Variants in DCLK2 observed in about 807,000 individuals in gnomAD.
DCLK2 encodes doublecortin like kinase 2, also known as serine/threonine-protein kinase DCLK2.
In DCLK2, 31 loss-of-function variants were observed where a neutral mutation model predicts 78.4. That is an observed-to-expected ratio of 0.40 (90% CI 0.30 to 0.53). DCLK2 has a LOEUF of 0.53. DCLK2 is among the 20% of genes least tolerant of loss of function. The pLI, the probability that DCLK2 is intolerant of heterozygous loss-of-function variation, is 0.61. For synonymous variants in DCLK2, 407 were observed against 374.9 expected (o/e 1.09, Z -0.99); for missense variants, 872 against 973.7 (o/e 0.90, Z 1.39).
chr4:150,216,751 G>A (rs2126511364), intron 5 of DCLK2, among the ~76,000 whole-genome samples: 1 of 152,272 alleles, frequency 6.6e-6, no homozygotes, highest in South Asian at 2.1e-4. Flanking sequence ...AGGGGCACCA[G>A]ATCCCAGAGA....
intron 1 of DCLK2, among the ~76,000 whole-genome samples, chr4:150,096,961 T>G (rs1460926312): frequency 6.6e-6 from 1 of 151,920 alleles, no homozygotes; most frequent in Non-Finnish European, 1.5e-5. Context: ...TATAATCCTA[T>G]AAAGAGGGCT....
chr4:150,223,588 C>T (rs1741360503), intron 7 of DCLK2, among the ~76,000 whole-genome samples: 2 of 151,916 alleles, frequency 1.3e-5, no homozygotes, highest in South Asian at 4.2e-4. Context: ...ACTAAAAATA[C>T]AAAAATTAGC....
chr4:150,252,082 C>G (rs1424754003), intron 15 of DCLK2, among the ~76,000 whole-genome samples: 1 of 152,144 alleles, frequency 6.6e-6, no homozygotes, highest in Non-Finnish European at 1.5e-5. Flanking sequence ...CAGTGTTTTG[C>G]TGAAAGCCTG....
chr4:150,213,859 T>C (rs1468325486), intron 5 of DCLK2, among the ~76,000 whole-genome samples: 1 of 152,182 alleles, frequency 6.6e-6, no homozygotes, highest in Non-Finnish European at 1.5e-5. Context: ...CTCATAAACT[T>C]AGAGGATAGG....
intron 2 of DCLK2, among the ~76,000 whole-genome samples, chr4:150,160,226 C>T (rs946725237): frequency 5.9e-5 from 9 of 152,072 alleles, no homozygotes; most frequent in Admixed American, 2.0e-4. Flanking sequence ...CCACGTTGCC[C>T]AGGCTGGTCT....
intron 5 of DCLK2, among the ~76,000 whole-genome samples, chr4:150,214,220 C>T (rs539130324): frequency 6.6e-6 from 1 of 152,322 alleles, no homozygotes; most frequent in East Asian, 1.9e-4. Flanking sequence ...GAAACTTCAT[C>T]CACAGATGTT....
rs891052213 is a variant in DCLK2 at position 150,116,390 on chromosome 4, A to G, written c.756+13578A>G. On this transcript the variant is annotated intron_variant, in intron 2 of 15. Transcript: ENST00000296550. Reference sequence around the variant, plus strand: ...CCCTGCTGAGCCCGGCACTGCGCCTATGCCTCTGCTGAAACTTCCCACAAG... The same window carrying G: ...CCCTGCTGAGCCCGGCACTGCGCCTGTGCCTCTGCTGAAACTTCCCACAAG... 7.9e-5 allele frequency among the ~76,000 whole-genome samples: 12 copies of G among 152,256 alleles called. No homozygotes were observed. In the East Asian group the frequency reaches 1.7e-3, roughly 22 times the overall value.
chr4:150,197,670 G>A (rs911808616), intron 3 of DCLK2, among the ~76,000 whole-genome samples: 2 of 151,984 alleles, frequency 1.3e-5, no homozygotes, highest in Admixed American at 6.6e-5. Context: ...CAAGAGAATC[G>A]CTTGAACCCA....
intron 2 of DCLK2, among the ~76,000 whole-genome samples, chr4:150,188,344 G>A (rs759808133): frequency 2.6e-5 from 4 of 152,054 alleles, no homozygotes; most frequent in Non-Finnish European, 5.9e-5. Context: ...GTGTGGTGCC[G>A]CATGCCTGTA....
chr4:150,144,668 C>G (rs1203203932), intron 2 of DCLK2, among the ~76,000 whole-genome samples: 1 of 152,108 alleles, frequency 6.6e-6, no homozygotes, highest in Non-Finnish European at 1.5e-5. Context: ...CTCACTGCAG[C>G]CTCAAACTCT....
intron 1 of DCLK2, among the ~76,000 whole-genome samples, chr4:150,092,061 C>T (rs1730120694): frequency 6.6e-6 from 1 of 152,012 alleles, no homozygotes; most frequent in Non-Finnish European, 1.5e-5. Flanking sequence ...AGCCATGCTA[C>T]ATTTGTTCTT....
chr4:150,217,901 A>C (rs1740845553), intron 5 of DCLK2, among the ~76,000 whole-genome samples: 1 of 152,228 alleles, frequency 6.6e-6, no homozygotes, highest in South Asian at 2.1e-4. Context: ...CCTTTTAAAA[A>C]ATATTAATTT....
intron 2 of DCLK2, among the ~76,000 whole-genome samples, chr4:150,113,187 A>G (rs1731825562): frequency 6.6e-6 from 1 of 151,958 alleles, no homozygotes; most frequent in Admixed American, 6.6e-5. Context: ...TTCGTCAGGG[A>G]TATTGGTCTG....
rs755792429 is a variant in DCLK2 at position 150,102,613 on chromosome 4, A to G, written c.557A>G (p.Glu186Gly). 2 of 1,614,168 alleles carry G rather than the reference A, an allele frequency of 1.2e-6. No individual in the cohort carries two copies. The highest frequency in any genetic ancestry group is 1.7e-6 in the Non-Finnish European group (2 of 1,180,014). Residue 186 changes from glutamate to glycine, a missense_variant, in exon 2 of 16, where the codon GAA (glutamate) becomes GGA (glycine). Around this residue, in one of 3 missense-constraint regions of DCLK2, gnomAD observed 567 missense variants for 593.4 expected, o/e 0.96. Coordinates refer to ENST00000296550, the MANE Select transcript of DCLK2 (RefSeq NM_001040260.4). ...ALAAASSVKS[E>G]VKESKDFIKP... ...GCTGCTGCCTCCTCTGTGAAAAGTG[A>G]AGTAAAAGAAAGTAAAGATTTCATC...
chr4:150,253,813 C>G (rs1458592917), intron 15 of DCLK2: 1 of 985,354 alleles, frequency 1.0e-6, no homozygotes, highest in Admixed American at 6.1e-5. Flanking sequence ...CATAGTTCTC[C>G]TACCGATGCT....
At chr4:150,112,445 C>G (rs1346510213) in intron 2 of DCLK2, among the ~76,000 whole-genome samples, 2 of 152,150 alleles carry the variant, frequency 1.3e-5, no homozygotes, top group African/African-American at 4.8e-5. Context: ...TTGGCTAGGA[C>G]TTCCAGTAAC....
At chr4:150,162,631 A>G (rs1235056605) in intron 2 of DCLK2, among the ~76,000 whole-genome samples, 3 of 151,146 alleles carry the variant, frequency 2.0e-5, no homozygotes, top group African/African-American at 7.3e-5. Flanking sequence ...ATTTTTTTTA[A>G]TTTTTAAATT....
Position 150,187,146 on chromosome 4 carries a change from C to CT in DCLK2, c.757-5989dup, listed in dbSNP as rs1450706559. Among the ~76,000 whole-genome samples, 8 of 152,188 alleles carry CT rather than the reference C, an allele frequency of 5.3e-5. No individual in the cohort carries two copies. In the East Asian group the frequency reaches 1.5e-3, roughly 29 times the overall value. On this transcript the variant is annotated intron_variant, in intron 2 of 15. Coordinates refer to ENST00000296550, the MANE Select transcript of DCLK2 (RefSeq NM_001040260.4). ...ACCATTGCTTTGCTTTAAGTCAAAT[C>CT]TTTCTTATCCATTTTATGGTTATTT... is the stretch of plus-strand genomic sequence containing the variant.
At chr4:150,107,514 C>A (rs1219651259) in intron 2 of DCLK2, among the ~76,000 whole-genome samples, 1 of 151,388 alleles carries the variant, frequency 6.6e-6, no homozygotes, top group African/African-American at 2.4e-5. Context: ...GTAGCTGGGA[C>A]TACAGGCACA....
Sources: gnomAD v4.1 joint callset for allele counts (sites outside exome capture counted in the v4.1 genomes callset) on GRCh38, gnomAD v4.1.1 for gene constraint, gnomAD v4.1.1 regional missense constraint, MANE v1.5 for transcripts, NCBI Gene and HGNC (gene_info 2026-07-23, HGNC 2026-07-21) for gene names.